Variants in NFIB observed in about 807,000 individuals in gnomAD.
NFIB encodes nuclear factor I B, also known as nuclear factor 1 B-type.
In NFIB, 11 loss-of-function variants were observed where a neutral mutation model predicts 61.5. The ratio of observed to expected loss-of-function variants is 0.18; its 90% CI spans 0.11 to 0.30. The LOEUF is 0.30. Among genes scored for constraint, NFIB ranks in the 10% least tolerant of loss-of-function variants. The probability of loss-of-function intolerance (pLI) is 1.00; values close to 1 mark genes in which losing one functional copy is unlikely to be tolerated. For missense variants in NFIB, 471 were observed against 608.9 expected (o/e 0.77, Z 2.38); for synonymous variants, 260 against 216.5 (o/e 1.20, Z -1.76).
At chr9:14,392,305 T>C (rs186168795) in intron 1 of NFIB, among the ~76,000 whole-genome samples, 2 of 152,372 alleles carry the variant, frequency 1.3e-5, no homozygotes, top group East Asian at 1.9e-4. Context: ...AACATTGGTT[T>C]CTGAATTGTG....
the NFIB span, among the ~76,000 whole-genome samples, chr9:14,414,343 G>C: frequency 6.6e-6 from 1 of 150,472 alleles, no homozygotes; most frequent in Non-Finnish European, 1.5e-5. Context: ...GCTGAGGCAG[G>C]AGAATTGCTT....
intron 1 of NFIB, among the ~76,000 whole-genome samples, chr9:14,387,238 G>A (rs1303849429): frequency 6.6e-6 from 1 of 152,186 alleles, no homozygotes. Context: ...TAGAAGACCT[G>A]TGAAATCTTG....
chr9:14,518,516 T>G, the NFIB span, among the ~76,000 whole-genome samples: 2 of 151,814 alleles, frequency 1.3e-5, no homozygotes, highest in African/African-American at 2.4e-5. Context: ...AGATTGTGGA[T>G]AGCCTAGTGG....
the NFIB span, among the ~76,000 whole-genome samples, chr9:14,509,176 T>G: frequency 6.6e-6 from 1 of 152,232 alleles, no homozygotes; most frequent in African/African-American, 2.4e-5. Flanking sequence ...TCCCTACCCT[T>G]GTAGAGCTCA....
intron 1 of NFIB, among the ~76,000 whole-genome samples, chr9:14,353,853 C>A (rs913454897): frequency 8.4e-6 from 1 of 118,750 alleles, no homozygotes. Context: ...GGGGTTTTGT[C>A]TTTTTTTTTT....
At chr9:14,354,026 A>G (rs1476666115) in intron 1 of NFIB, among the ~76,000 whole-genome samples, 3 of 152,034 alleles carry the variant, frequency 2.0e-5, no homozygotes, top group African/African-American at 7.2e-5. Flanking sequence ...TCCTTCTCTA[A>G]AAACCAAAGG....
intron 1 of NFIB, among the ~76,000 whole-genome samples, chr9:14,355,789 T>C (rs2061169241): frequency 6.6e-6 from 1 of 152,130 alleles, no homozygotes; most frequent in South Asian, 2.1e-4. Context: ...ACCCTGTCTC[T>C]ACTAAAAATA....
chr9:14,323,759 C>G (rs2060715363), intron 1 of NFIB, among the ~76,000 whole-genome samples: 1 of 152,112 alleles, frequency 6.6e-6, no homozygotes, highest in Non-Finnish European at 1.5e-5. Context: ...CGACATTGTT[C>G]GGGTTCATAC....
chr9:14,403,102 C>A (rs926223561), upstream of NFIB, among the ~76,000 whole-genome samples: 3 of 152,172 alleles, frequency 2.0e-5, no homozygotes, highest in East Asian at 5.8e-4. Flanking sequence ...ATTGTTTGAG[C>A]AGAACATTTC....
intron 3 of NFIB, among the ~76,000 whole-genome samples, chr9:14,179,190 T>G (rs1446013198): frequency 6.6e-6 from 1 of 152,092 alleles, no homozygotes; most frequent in African/African-American, 2.4e-5. Context: ...AGAGGGTATT[T>G]GGGATACCTT....
At chr9:14,204,976 C>A in intron 2 of NFIB, 1 of 313,538 alleles carries the variant, frequency 3.2e-6, no homozygotes, top group South Asian at 4.2e-5. Flanking sequence ...TCCTGGGTCC[C>A]AAGCCTGTGG....
chr9:14,197,198 AG>A (rs1218849474), intron 2 of NFIB, among the ~76,000 whole-genome samples: 1 of 152,252 alleles, frequency 6.6e-6, no homozygotes, highest in East Asian at 1.9e-4. Flanking sequence ...GCAGAGTAAT[AG>A]AAAAACCTTG....
the NFIB span, among the ~76,000 whole-genome samples, chr9:14,450,778 A>C: frequency 1.3e-5 from 2 of 152,182 alleles, no homozygotes; most frequent in Admixed American, 1.3e-4. Flanking sequence ...TTTATTTATC[A>C]ACCGGCCATG....
intron 3 of NFIB, among the ~76,000 whole-genome samples, chr9:14,176,961 T>A (rs912043150): frequency 6.6e-6 from 1 of 152,186 alleles, no homozygotes; most frequent in Non-Finnish European, 1.5e-5. Context: ...TGTTGGGGAA[T>A]AAACACAGGA....
rs200046792 is a variant in NFIB at position 14,187,033 on chromosome 9, G to A, written c.563-7253C>T. 9.3e-3 allele frequency among the ~76,000 whole-genome samples: 898 copies of A among 96,902 alleles called. 9 individuals carry two copies. The highest frequency in any genetic ancestry group is 0.024 in the African/African-American group (373 of 15,242). The allele number at this position is 96,902 out of a possible 152,430, so 63.6% of individuals were successfully genotyped here. On this transcript the variant is annotated intron_variant, in intron 2 of 10. Coordinates refer to ENST00000380953, the MANE Select transcript of NFIB (RefSeq NM_001190737.2). ...TGTGTGTGTGTGTGTGTGTATGTGT[G>A]TGTGTGTGTGTGTGTGTGTGTGTGT...
intron 7 of NFIB, among the ~76,000 whole-genome samples, chr9:14,121,303 T>TCAAA (rs966589248): frequency 1.8e-4 from 27 of 152,164 alleles, no homozygotes; most frequent in African/African-American, 3.6e-4. Context: ...AAGCCCCATC[T>TCAAA]CAAACAAACA....
At chr9:14,176,249 A>G (rs1297474868) in intron 3 of NFIB, among the ~76,000 whole-genome samples, 2 of 94,406 alleles carry the variant, frequency 2.1e-5, no homozygotes, top group Non-Finnish European at 2.4e-5. Context: ...AGGAGGGATT[A>G]ACTTGTTAAA....
chr9:14,466,664 CTCT>C, the NFIB span, among the ~76,000 whole-genome samples: 1 of 152,216 alleles, frequency 6.6e-6, no homozygotes, highest in Non-Finnish European at 1.5e-5. Flanking sequence ...CCTTTCTCCT[CTCT>C]TCTTTCTCCT....
In NFIB at chr9:14,135,731, T is replaced by C. The variant is rs1004867851; in HGVS notation, c.926-9965A>G. Among the ~76,000 whole-genome samples the C allele has an allele frequency of 4.6e-5, 7 of 152,284 alleles. 1 individual carries two copies. Among genetic ancestry groups the C allele is most frequent in the Admixed American group, 6.5e-5 (1 of 15,292 alleles). On this transcript the variant is annotated intron_variant, in intron 6 of 10. Transcript: ENST00000380953. ...AATAACACTGGAAAAAATGGCAAGC[T>C]ACGTTAAGAGGAGATAAGATGTCAT...
Sources: allele counts gnomAD v4.1 joint callset (sites outside exome capture counted in the v4.1 genomes callset), GRCh38; gene constraint gnomAD v4.1.1; transcripts MANE v1.5; gene names NCBI Gene and HGNC (gene_info 2026-07-23, HGNC 2026-07-21).